The following FGF13 variants were observed in gnomAD, a reference collection of about 807,000 sequenced individuals.
FGF13 encodes the protein fibroblast growth factor 13.
In FGF13, 2 loss-of-function variants were observed where a neutral mutation model predicts 19.5. That is an observed-to-expected ratio of 0.10 (90% CI 0.04 to 0.32). The LOEUF (loss-of-function observed/expected upper bound fraction) is 0.32, where lower values mean the gene tolerates loss of function less well. Among genes scored for constraint, FGF13 ranks in the 10% least tolerant of loss-of-function variants. The probability of loss-of-function intolerance (pLI) is 1.00; values close to 1 mark genes in which losing one functional copy is unlikely to be tolerated. For synonymous variants in FGF13, 72 were observed against 76.9 expected, an observed-to-expected ratio of 0.94 and a Z score of 0.33; for missense variants, 113 against 192.7, an observed-to-expected ratio of 0.59 and a Z score of 2.45.
At chrX:138,830,972 C>A (rs1022225087) in intron 3 of FGF13, among the ~76,000 whole-genome samples, 2 of 110,443 alleles carry the variant, frequency 1.8e-5, no homozygotes, top group Non-Finnish European at 3.8e-5. Flanking sequence ...GGGCTTAGGG[C>A]ATCTTCCATG....
chrX:138,947,571 G>C (rs1190798555), intron 1 of FGF13, among the ~76,000 whole-genome samples: 1 of 111,796 alleles, frequency 8.9e-6, no homozygotes, highest in East Asian at 2.8e-4. Context: ...TGATTCTTTT[G>C]CCTCTCCTGT....
Position 138,617,076 on chromosome X carries a change from A to G in FGF13, c.*15774T>C, listed in dbSNP as rs1418852647. 1 of 111,706 alleles carries G rather than the reference A, an allele frequency of 9.0e-6. No individual in the cohort carries two copies. The highest frequency in any genetic ancestry group is 1.9e-5 in the Non-Finnish European group (1 of 53,151). 9.2% of individuals were successfully genotyped at this position (111,706 alleles called of 1,213,427 possible). A position where few individuals can be genotyped will look rare whatever the true frequency, so the allele number is the denominator to read the frequency against. ...GACATGCCCTAGAGACATTCTCCCC[A>G]TTGTTTTGGTGATTAATATTTGTAG... On this transcript the variant is annotated 3_prime_UTR_variant, in exon 5 of 5. Coordinates refer to ENST00000315930, the MANE Select transcript of FGF13 (RefSeq NM_004114.5).
chrX:138,657,574 C>T (rs1312760373), intron 3 of FGF13, among the ~76,000 whole-genome samples: 1 of 111,931 alleles, frequency 8.9e-6, no homozygotes, highest in Non-Finnish European at 1.9e-5. Context: ...AATCATATTG[C>T]ATGTGATGAC....
At chrX:138,979,360 C>G (rs1416106744) in intron 1 of FGF13, among the ~76,000 whole-genome samples, 2 of 110,457 alleles carry the variant, frequency 1.8e-5, no homozygotes, top group African/African-American at 6.6e-5. Context: ...ATCAGTTGGC[C>G]CAACAACAAA....
In FGF13 at chrX:138,924,840, TAA is replaced by T. The variant is rs11301322; in HGVS notation, c.-112-60192_-112-60191del. ...CAGGTGTTTGAGGTAGGGGGAAAGT[TAA>T]AAAAAAAAAAAAAAACCTGGTAAAA... On this transcript the variant is annotated intron_variant, in intron 1 of 2. Transcript: ENST00000421460. 6.1e-3 allele frequency among the ~76,000 whole-genome samples: 565 copies of T among 93,242 alleles called. 2 individuals carry two copies. Among genetic ancestry groups the T allele is most frequent in the South Asian group, 0.015 (27 of 1,766 alleles). The allele number at this position is 93,242 out of a possible 115,157, so 81.0% of individuals were successfully genotyped here. A position where few individuals can be genotyped will look rare whatever the true frequency, so the allele number is the denominator to read the frequency against.
At position 138,621,351 on chromosome X, in the gene FGF13, C is replaced by A. The variant is rs1362049590; in HGVS notation, c.*11499G>T. 2 of 110,888 alleles carry A rather than the reference C, an allele frequency of 1.8e-5. No individual in the cohort carries two copies. The highest frequency in any genetic ancestry group is 6.6e-5 in the African/African-American group (2 of 30,521). 9.1% of individuals were successfully genotyped at this position (110,888 alleles called of 1,213,427 possible). ...AACTGTAAAATTAAACAATACACTC[C>A]TAAATAGCCAAAGAATCAAAGAGCA... On this transcript the variant is annotated 3_prime_UTR_variant, in exon 5 of 5. Transcript: ENST00000315930.
intron 1 of FGF13, among the ~76,000 whole-genome samples, chrX:138,976,192 G>A (rs976441102): frequency 1.8e-5 from 2 of 111,371 alleles, no homozygotes; most frequent in African/African-American, 6.5e-5. Context: ...ATAAATCATT[G>A]TTAATAAATA....
At chrX:138,781,024 G>A (rs1364117785) in intron 3 of FGF13, among the ~76,000 whole-genome samples, 2 of 110,772 alleles carry the variant, frequency 1.8e-5, no homozygotes, top group East Asian at 2.8e-4. Flanking sequence ...ACTCAAAACC[G>A]CTCAACTACA....
At chrX:138,714,008 T>C (rs1349278876), upstream of FGF13, 1 of 111,417 alleles carries the variant, frequency 9.0e-6, no homozygotes, top group Middle Eastern at 4.7e-3. Flanking sequence ...TTGTATAATA[T>C]TGAAAAATGA....
intron 3 of FGF13, among the ~76,000 whole-genome samples, chrX:138,773,443 C>T (rs1217803604): frequency 8.9e-6 from 1 of 112,063 alleles, no homozygotes; most frequent in African/African-American, 3.2e-5. Context: ...TGTCATTATT[C>T]CCACTTGGAC....
At chrX:139,054,074 GT>G (rs1421228762) in intron 1 of FGF13, among the ~76,000 whole-genome samples, 3 of 103,111 alleles carry the variant, frequency 2.9e-5, no homozygotes, top group African/African-American at 1.1e-4. Flanking sequence ...AGGTATTTGG[GT>G]TTATTTCTGG....
chrX:138,967,643 G>C (rs940769544), intron 1 of FGF13, among the ~76,000 whole-genome samples: 24 of 111,354 alleles, frequency 2.2e-4, no homozygotes, highest in Admixed American at 6.7e-4. Flanking sequence ...CATGACATCT[G>C]GGTGGAGAGA....
chrX:138,794,948 T>C (rs2090768011), intron 3 of FGF13, among the ~76,000 whole-genome samples: 1 of 112,267 alleles, frequency 8.9e-6, no homozygotes, highest in African/African-American at 3.2e-5. Flanking sequence ...TGACATCTTA[T>C]AGTTTCTCCA....
intron 1 of FGF13, among the ~76,000 whole-genome samples, chrX:138,952,929 C>T (rs1201391637): frequency 9.0e-6 from 1 of 110,767 alleles, no homozygotes; most frequent in Non-Finnish European, 1.9e-5. Context: ...CAGGAAACAA[C>T]AGGTGCTGGA....
At chrX:138,984,066 A>C (rs1798991967) in intron 1 of FGF13, among the ~76,000 whole-genome samples, 1 of 111,586 alleles carries the variant, frequency 9.0e-6, no homozygotes. Flanking sequence ...GTGCTAGAAG[A>C]AACCTCAGCA....
chrX:138,740,316 C>T (rs190812877), upstream of FGF13, among the ~76,000 whole-genome samples: 2 of 111,650 alleles, frequency 1.8e-5, no homozygotes, highest in African/African-American at 3.3e-5. Flanking sequence ...CCAACACCCA[C>T]GAGGAGCTAT....
At chrX:138,914,407 C>T (rs2091607498) in intron 1 of FGF13, among the ~76,000 whole-genome samples, 1 of 111,365 alleles carries the variant, frequency 9.0e-6, no homozygotes, top group Non-Finnish European at 1.9e-5. Flanking sequence ...TCAGCCTGCT[C>T]TTTCTGAAAC....
intron 1 of FGF13, among the ~76,000 whole-genome samples, chrX:139,115,148 C>T (rs937636173): frequency 9.0e-6 from 1 of 111,181 alleles, no homozygotes; most frequent in African/African-American, 3.3e-5. Flanking sequence ...GAACTCTTGC[C>T]GTTCCTCTAA....
intron 1 of FGF13, among the ~76,000 whole-genome samples, chrX:139,023,598 T>G (rs1412140575): frequency 9.0e-6 from 1 of 111,518 alleles, no homozygotes. Context: ...TTAAGAAAGT[T>G]CATACCAGGG....
Sources: allele counts gnomAD v4.1 joint callset (sites outside exome capture counted in the v4.1 genomes callset), GRCh38; gene constraint gnomAD v4.1.1; transcripts MANE v1.5; gene names NCBI Gene and HGNC (gene_info 2026-07-23, HGNC 2026-07-21).